The following SPAG16 variants were observed in gnomAD, a reference collection of about 807,000 sequenced individuals.
SPAG16 encodes sperm associated antigen 16.
SPAG16 carries 86 observed loss-of-function variants against 80.4 expected under a neutral mutation model. That is an observed-to-expected ratio of 1.07 (90% CI 0.90 to 1.28). SPAG16 has a LOEUF of 1.28. Ranked by LOEUF, SPAG16 falls within the 50% of genes most tolerant of loss-of-function variation. SPAG16 has a pLI of 0.00. For missense variants in SPAG16, 870 were observed against 765.3 expected (o/e 1.14, Z -1.61); for synonymous variants, 294 against 265.9 (o/e 1.11, Z -1.03).
intron 10 of SPAG16, among the ~76,000 whole-genome samples, chr2:213,656,708 C>T (rs541270850): frequency 6.6e-6 from 1 of 152,254 alleles, no homozygotes; most frequent in South Asian, 2.1e-4. Flanking sequence ...GGTTGCAGTT[C>T]ATTTATAACT....
chr2:213,945,436 A>G (rs1239236153), intron 12 of SPAG16, among the ~76,000 whole-genome samples: 1 of 151,956 alleles, frequency 6.6e-6, no homozygotes, highest in Non-Finnish European at 1.5e-5. Context: ...ACCCAGTCCG[A>G]GTCTCAAAAC....
chr2:213,906,664 G>C (rs767620385), intron 11 of SPAG16, among the ~76,000 whole-genome samples: 17 of 152,052 alleles, frequency 1.1e-4, no homozygotes, highest in Non-Finnish European at 1.9e-4. Context: ...TATAAAACCA[G>C]ACACATTAGA....
chr2:213,637,487 A>G (rs551794932), intron 10 of SPAG16, among the ~76,000 whole-genome samples: 3 of 152,158 alleles, frequency 2.0e-5, no homozygotes, highest in Non-Finnish European at 4.4e-5. Context: ...CTCTTTCTGT[A>G]TCTTTTGGAG....
chr2:213,642,362 GT>G (rs1400154635), intron 10 of SPAG16, among the ~76,000 whole-genome samples: 2 of 152,116 alleles, frequency 1.3e-5, no homozygotes, highest in East Asian at 1.9e-4. Flanking sequence ...CTATCGGCAA[GT>G]TTTTTCATCA....
In SPAG16 at chr2:213,811,474, G is replaced by C. The variant is rs557428467; in HGVS notation, c.1071-51011G>C. Among the ~76,000 whole-genome samples, 21 of 152,216 alleles carry C rather than the reference G, an allele frequency of 1.4e-4. No homozygotes were observed. The South Asian group carries it at 4.4e-3, about 32-fold the overall frequency. ...CCTAATATGGAAGACTGGTGTGCTG[G>C]CAGGATGGTGAGGAGAGCCAATGGT... On this transcript the variant is annotated intron_variant, in intron 10 of 15. Transcript: ENST00000331683.
intron 9 of SPAG16, among the ~76,000 whole-genome samples, chr2:213,426,363 T>A (rs190575133): frequency 5.7e-4 from 86 of 152,110 alleles, no homozygotes; most frequent in African/African-American, 2.0e-3. Context: ...ATTATTGAAA[T>A]GAGCACCCAA....
intron 10 of SPAG16, among the ~76,000 whole-genome samples, chr2:213,557,861 G>A (rs2059477729): frequency 6.6e-6 from 1 of 152,064 alleles, no homozygotes; most frequent in Non-Finnish European, 1.5e-5. Flanking sequence ...CATTTAAAAT[G>A]CATTCTTATG....
intron 10 of SPAG16, among the ~76,000 whole-genome samples, chr2:213,713,065 G>C (rs1336834551): frequency 6.6e-6 from 1 of 152,152 alleles, no homozygotes; most frequent in Non-Finnish European, 1.5e-5. Flanking sequence ...CGCAGTGGGG[G>C]AAAGCCCCTC....
intron 15 of SPAG16, among the ~76,000 whole-genome samples, chr2:214,243,561 TATA>T (rs1421192243): frequency 1.3e-5 from 2 of 152,092 alleles, no homozygotes; most frequent in Non-Finnish European, 2.9e-5. Flanking sequence ...CATAAAAGGT[TATA>T]ATGTGTTCTA....
At chr2:214,025,532 CAT>C (rs2048084809) in intron 13 of SPAG16, among the ~76,000 whole-genome samples, 1 of 151,684 alleles carries the variant, frequency 6.6e-6, no homozygotes, top group East Asian at 1.9e-4. Context: ...TGTAGTACCA[CAT>C]GTTAATTATA....
intron 10 of SPAG16, among the ~76,000 whole-genome samples, chr2:213,786,922 T>C (rs549215651): frequency 6.6e-6 from 1 of 152,278 alleles, no homozygotes; most frequent in Non-Finnish European, 1.5e-5. Flanking sequence ...TCTAATAATT[T>C]CATGTGGAAA....
chr2:213,944,875 A>T (rs2079372520), intron 12 of SPAG16, among the ~76,000 whole-genome samples: 1 of 152,086 alleles, frequency 6.6e-6, no homozygotes, highest in African/African-American at 2.4e-5. Flanking sequence ...GTCTACTAAA[A>T]ATACAAAAAT....
chr2:214,262,890 T>C (rs1221937581), intron 15 of SPAG16, among the ~76,000 whole-genome samples: 1 of 152,152 alleles, frequency 6.6e-6, no homozygotes, highest in Admixed American at 6.5e-5. Flanking sequence ...TTGTGGTGTT[T>C]TTAAACAAAC....
intron 10 of SPAG16, among the ~76,000 whole-genome samples, chr2:213,536,794 A>C (rs2076264811): frequency 6.6e-6 from 1 of 152,088 alleles, no homozygotes; most frequent in Admixed American, 6.6e-5. Context: ...GTTCACTCTG[A>C]TGGTAGACCC....
chr2:213,805,852 G>T (rs1484530425), intron 10 of SPAG16, among the ~76,000 whole-genome samples: 1 of 152,140 alleles, frequency 6.6e-6, no homozygotes, highest in African/African-American at 2.4e-5. Context: ...ATATAGCAAT[G>T]GTTGTTATAA....
intron 9 of SPAG16, among the ~76,000 whole-genome samples, chr2:213,398,566 C>T (rs2068158280): frequency 6.6e-6 from 1 of 152,168 alleles, no homozygotes; most frequent in African/African-American, 2.4e-5. Context: ...TGTTATTTTC[C>T]TTCAGATAAT....
At chr2:213,411,089 T>C (rs1331637561) in intron 9 of SPAG16, among the ~76,000 whole-genome samples, 2 of 147,910 alleles carry the variant, frequency 1.4e-5, no homozygotes, top group Non-Finnish European at 2.9e-5. Flanking sequence ...GGTGGTATTG[T>C]GGTGGACCTT....
intron 10 of SPAG16, among the ~76,000 whole-genome samples, chr2:213,686,169 A>G (rs1433253185): frequency 6.6e-6 from 1 of 152,184 alleles, no homozygotes; most frequent in Non-Finnish European, 1.5e-5. Flanking sequence ...CCTAGCCTAG[A>G]GTGCAGTGGT....
At position 213,701,673 on chromosome 2, in the gene SPAG16, G is replaced by A. The variant is rs191841784; in HGVS notation, c.1071-160812G>A. On this transcript the variant is annotated intron_variant, in intron 10 of 15. Coordinates refer to ENST00000331683, the MANE Select transcript of SPAG16 (RefSeq NM_024532.5). The stretch of plus-strand genomic sequence containing the variant: ...AGCCCTGGCGCAGGATCCACTAGGC[G>A]AAGCTAGCTGGGCTCCTGAGTCGGG... Among the ~76,000 whole-genome samples the A allele has an allele frequency of 1.4e-4, 22 of 152,336 alleles. No homozygotes were observed. The East Asian group carries it at 3.5e-3, about 24-fold the overall frequency.
Sources: allele counts gnomAD v4.1 joint callset (sites outside exome capture counted in the v4.1 genomes callset), GRCh38; gene constraint gnomAD v4.1.1; transcripts MANE v1.5; gene names NCBI Gene and HGNC (gene_info 2026-07-23, HGNC 2026-07-21).